The following CD247 variants were observed in gnomAD, a reference collection of about 807,000 sequenced individuals.
CD247 encodes CD247 molecule.
In CD247, 13 loss-of-function variants were observed where a neutral mutation model predicts 30.0. That is an observed-to-expected ratio of 0.43 (90% CI 0.28 to 0.69). The LOEUF is 0.69. Among genes scored for constraint, CD247 ranks in the 30% least tolerant of loss-of-function variants. The pLI is 0.16. For missense variants in CD247, 193 were observed against 212.6 expected, an observed-to-expected ratio of 0.91 and a Z score of 0.57; for synonymous variants, 72 against 80.0, an observed-to-expected ratio of 0.90 and a Z score of 0.53.
intron 1 of CD247, among the ~76,000 whole-genome samples, chr1:167,480,634 G>T (rs1175734311): frequency 6.6e-6 from 1 of 152,224 alleles, no homozygotes; most frequent in South Asian, 2.1e-4. Context: ...TAGGGACATA[G>T]TTTGGAGGAT....
At chr1:167,516,674 T>C (rs1655618384) in intron 1 of CD247, among the ~76,000 whole-genome samples, 1 of 152,164 alleles carries the variant, frequency 6.6e-6, no homozygotes, top group African/African-American at 2.4e-5. Context: ...CTTTTGTCTA[T>C]TAGCTTTATC....
At chr1:167,442,368 G>C (rs566451022) in intron 1 of CD247, among the ~76,000 whole-genome samples, 1 of 152,316 alleles carries the variant, frequency 6.6e-6, no homozygotes, top group East Asian at 1.9e-4. Flanking sequence ...AGGGCAGAGG[G>C]AGTGGAGGCC....
chr1:167,461,624 C>T (rs981313738), intron 1 of CD247, among the ~76,000 whole-genome samples: 3 of 152,090 alleles, frequency 2.0e-5, no homozygotes, highest in South Asian at 2.1e-4. Context: ...CCCAGGCGGG[C>T]GGATCACAAG....
At chr1:167,483,423 C>T (rs1270982844) in intron 1 of CD247, among the ~76,000 whole-genome samples, 1 of 152,174 alleles carries the variant, frequency 6.6e-6, no homozygotes, top group Admixed American at 6.5e-5. Flanking sequence ...CCTCCCCCTC[C>T]CTACCCTGCT....
intron 1 of CD247, among the ~76,000 whole-genome samples, chr1:167,441,238 C>T (rs551888397): frequency 5.1e-4 from 77 of 152,342 alleles, no homozygotes; most frequent in African/African-American, 1.8e-3. Flanking sequence ...GAGATCATTT[C>T]AATATCTGAC....
chr1:167,470,872 C>CTTTTT (rs768647657), intron 1 of CD247, among the ~76,000 whole-genome samples: 12 of 134,252 alleles, frequency 8.9e-5, no homozygotes, highest in Admixed American at 2.2e-4. Flanking sequence ...TTCTTTCTTT[C>CTTTTT]TTTTTTTTTT....
At chr1:167,512,179 C>T (rs1655412081) in intron 1 of CD247, among the ~76,000 whole-genome samples, 1 of 152,186 alleles carries the variant, frequency 6.6e-6, no homozygotes. Context: ...CTCTTCAAGT[C>T]TGTTCTCACC....
intron 1 of CD247, among the ~76,000 whole-genome samples, chr1:167,441,915 A>G (rs1651849179): frequency 6.6e-6 from 1 of 152,218 alleles, no homozygotes; most frequent in Non-Finnish European, 1.5e-5. Context: ...GTTCAAGTCC[A>G]GCCTGGCCAA....
intron 7 of CD247, 48 bp from the exon 8 acceptor site, chr1:167,431,794 G>A: frequency 6.4e-7 from 1 of 1,553,586 alleles, no homozygotes; most frequent in Non-Finnish European, 8.9e-7. Context: ...AGTAGCCTGT[G>A]TGGGCAGGAG....
chr1:167,500,478 A>G (rs910186495), intron 1 of CD247, among the ~76,000 whole-genome samples: 1 of 152,248 alleles, frequency 6.6e-6, no homozygotes, highest in African/African-American at 2.4e-5. Context: ...CGCTTCTGGT[A>G]TGAATTAGAG....
intron 1 of CD247, among the ~76,000 whole-genome samples, chr1:167,486,798 A>C (rs1571574524): frequency 6.6e-6 from 1 of 152,334 alleles, no homozygotes; most frequent in South Asian, 2.1e-4. Context: ...CTGGGTGGGC[A>C]TGGTGGCTCG....
intron 1 of CD247, among the ~76,000 whole-genome samples, chr1:167,492,822 G>T (rs1002502567): frequency 6.6e-6 from 1 of 152,264 alleles, no homozygotes; most frequent in East Asian, 1.9e-4. Flanking sequence ...TCAGCCTGGA[G>T]GAACATGCCC....
chr1:167,499,419 G>A (rs762397782), intron 1 of CD247, among the ~76,000 whole-genome samples: 1 of 152,148 alleles, frequency 6.6e-6, no homozygotes, highest in African/African-American at 2.4e-5. Context: ...TTATTTCTGG[G>A]AAATTGTTGC....
chr1:167,440,732 A>G lies in CD247; in HGVS notation c.94T>C (p.Cys32Arg), dbSNP rs745529672. 2 of 1,613,836 alleles carry G rather than the reference A, an allele frequency of 1.2e-6. No homozygotes were observed. Among genetic ancestry groups the G allele is most frequent in the Admixed American group, 3.3e-5 (2 of 60,022 alleles). Residue 32 changes from cysteine to arginine, a missense_variant, in exon 2 of 8, where the codon TGC becomes CGC. Transcript: ENST00000362089. ...QSFGLLDPKL[C>R]YLLDGILFIY... ...AAGAGGATTCCATCCAGCAGGTAGCAGAGTTTGGGATCCAGCAGGCCAAAG... is the reference window on the plus strand; with the variant it reads ...AAGAGGATTCCATCCAGCAGGTAGCGGAGTTTGGGATCCAGCAGGCCAAAG...
At chr1:167,466,622 A>G (rs1466453859) in intron 1 of CD247, among the ~76,000 whole-genome samples, 1 of 152,226 alleles carries the variant, frequency 6.6e-6, no homozygotes, top group Non-Finnish European at 1.5e-5. Flanking sequence ...ACATATGGAT[A>G]GGTACCTATG....
At chr1:167,487,926 T>TG (rs773826926) in intron 1 of CD247, among the ~76,000 whole-genome samples, 5 of 152,292 alleles carry the variant, frequency 3.3e-5, no homozygotes, top group Admixed American at 2.6e-4. Flanking sequence ...TTTGTAGAGA[T>TG]GGGGGTCTCA....
intron 1 of CD247, among the ~76,000 whole-genome samples, chr1:167,463,851 C>T (rs927888375): frequency 9.2e-5 from 14 of 152,138 alleles, no homozygotes; most frequent in African/African-American, 3.1e-4. Context: ...CTGTGAGTAC[C>T]GTGTCCTACG....
intron 1 of CD247, among the ~76,000 whole-genome samples, chr1:167,445,746 C>T (rs1652047843): frequency 6.6e-6 from 1 of 152,150 alleles, no homozygotes; most frequent in Non-Finnish European, 1.5e-5. Flanking sequence ...GGGATCAGGC[C>T]TTAATCAACC....
At chr1:167,450,513 A>G (rs1652304112) in intron 1 of CD247, among the ~76,000 whole-genome samples, 1 of 152,180 alleles carries the variant, frequency 6.6e-6, no homozygotes, top group South Asian at 2.1e-4. Context: ...TAAGTGAATA[A>G]ATAATAATAC....
Sources: gnomAD v4.1 joint callset for allele counts (sites outside exome capture counted in the v4.1 genomes callset) on GRCh38, gnomAD v4.1.1 for gene constraint, MANE v1.5 for transcripts, NCBI Gene and HGNC (gene_info 2026-07-23, HGNC 2026-07-21) for gene names.